The following COL26A1 variants were observed in gnomAD, a reference collection of about 807,000 sequenced individuals.
The protein encoded by COL26A1 is collagen type XXVI alpha 1 chain.
In COL26A1, 41 loss-of-function variants were observed where a neutral mutation model predicts 59.3. That is an observed-to-expected ratio of 0.69 (90% CI 0.54 to 0.90). COL26A1 has a LOEUF of 0.90. Among genes scored for constraint, COL26A1 ranks in the 40% least tolerant of loss-of-function variants. COL26A1 has a pLI of 0.00. For missense variants in COL26A1, 612 were observed against 602.3 expected (o/e 1.02, Z -0.17); for synonymous variants, 266 against 256.0 (o/e 1.04, Z -0.37).
At chr7:101,438,109 C>T (rs1792960810) in intron 2 of COL26A1, among the ~76,000 whole-genome samples, 1 of 151,466 alleles carries the variant, frequency 6.6e-6, no homozygotes, top group African/African-American at 2.4e-5. Context: ...TGCCTGTAAT[C>T]CTAACAGTCT....
At chr7:101,460,974 C>T (rs756511838) in intron 3 of COL26A1, among the ~76,000 whole-genome samples, 1 of 151,838 alleles carries the variant, frequency 6.6e-6, no homozygotes, top group East Asian at 1.9e-4. Context: ...TTTGCACCTG[C>T]GGGATGTTAC....
At chr7:101,447,087 C>G (rs1793215396) in intron 2 of COL26A1, among the ~76,000 whole-genome samples, 1 of 151,970 alleles carries the variant, frequency 6.6e-6, no homozygotes, top group South Asian at 2.1e-4. Flanking sequence ...TGGATGGGAT[C>G]ATAGCACTGC....
intron 1 of COL26A1, among the ~76,000 whole-genome samples, chr7:101,412,239 T>C (rs1336156981): frequency 1.3e-5 from 2 of 152,074 alleles, no homozygotes; most frequent in African/African-American, 2.4e-5. Flanking sequence ...AGTTTCCCAT[T>C]GCCATGACAA....
rs1417830342 is a variant in COL26A1 at position 101,363,136 on chromosome 7, A to T, written c.104A>T (p.His35Leu). The T allele has an allele frequency of 1.3e-6, 2 of 1,494,024 alleles. No homozygotes were observed. Among genetic ancestry groups the T allele is most frequent in the Non-Finnish European group, 1.8e-6 (2 of 1,127,356 alleles). 92.5% of individuals were successfully genotyped at this position (1,494,024 alleles called of 1,614,324 possible). A position where few individuals can be genotyped will look rare whatever the true frequency, so the allele number is the denominator to read the frequency against. Residue 35 changes from histidine to leucine, a missense_variant, in exon 1 of 13, where the codon CAC becomes CTC. By Grantham distance (99) the His-to-Leu change is moderately conservative. Transcript: ENST00000313669. ...TTCTCGGCCGCAGCTCTGCAGCAGC[A>T]CGGCTACCCCGAGCCCGGCGCCGGC... is the stretch of plus-strand genomic sequence containing the variant. ...YPFSAAALQQHGYPEPGAGSP... is the reference protein window; with the variant it reads ...YPFSAAALQQLGYPEPGAGSP...
At chr7:101,448,660 T>G (rs1793258185) in intron 3 of COL26A1, among the ~76,000 whole-genome samples, 1 of 152,060 alleles carries the variant, frequency 6.6e-6, no homozygotes, top group East Asian at 1.9e-4. Context: ...ACCTAGCTAT[T>G]TTTTTGTATG....
intron 3 of COL26A1, among the ~76,000 whole-genome samples, chr7:101,448,740 C>T (rs1428118199): frequency 6.6e-6 from 1 of 152,184 alleles, no homozygotes; most frequent in Non-Finnish European, 1.5e-5. Context: ...GATCCTCCCA[C>T]CTTAGCCTCC....
At chr7:101,454,076 G>GGC (rs1793408455) in intron 3 of COL26A1, among the ~76,000 whole-genome samples, 1 of 151,858 alleles carries the variant, frequency 6.6e-6, no homozygotes, top group Admixed American at 6.6e-5. Context: ...AAAATTGATG[G>GGC]GTAACCCCTA....
rs967384755 is a variant in COL26A1, at chr7:101,505,221, A to T, written c.386-27861A>T. ...CCCGTGTATGTGAGCACTCTCTGTG[A>T]TTGTGCAGAAGTGTGTATGTGTGTT... is the stretch of plus-strand genomic sequence containing the variant. On this transcript the variant is annotated intron_variant, in intron 3 of 12. Coordinates refer to ENST00000313669, the MANE Select transcript of COL26A1 (RefSeq NM_001278563.3). 4.7e-5 allele frequency among the ~76,000 whole-genome samples: 7 copies of T among 150,452 alleles called. No homozygotes were observed. The East Asian group carries it at 1.4e-3, about 30-fold the overall frequency.
intron 3 of COL26A1, among the ~76,000 whole-genome samples, chr7:101,485,512 T>G (rs1329068436): frequency 6.6e-6 from 1 of 152,178 alleles, no homozygotes; most frequent in Non-Finnish European, 1.5e-5. Context: ...AGAAAGGGTG[T>G]GATCCTCATA....
intron 2 of COL26A1, among the ~76,000 whole-genome samples, chr7:101,445,602 G>A (rs957924665): frequency 6.6e-6 from 1 of 151,330 alleles, no homozygotes; most frequent in Non-Finnish European, 1.5e-5. Flanking sequence ...CGTGGTGGCG[G>A]GCGCCTGTAG....
At chr7:101,395,555 A>G (rs578174610) in intron 1 of COL26A1, among the ~76,000 whole-genome samples, 1 of 152,164 alleles carries the variant, frequency 6.6e-6, no homozygotes, top group Non-Finnish European at 1.5e-5. Flanking sequence ...AAAGCTCTTT[A>G]ATCAGCGGGG....
chr7:101,416,072 T>G (rs1470126969), intron 1 of COL26A1, among the ~76,000 whole-genome samples: 1 of 142,610 alleles, frequency 7.0e-6, no homozygotes, highest in African/African-American at 2.5e-5. Context: ...CTATATGGAA[T>G]TTTTTTTTCT....
In COL26A1 at chr7:101,520,245, C is replaced by CTCAGGG. The variant is rs1795111646; in HGVS notation, c.386-12837_386-12836insTCAGGG. 8.5e-5 allele frequency among the ~76,000 whole-genome samples: 13 copies of CTCAGGG among 152,214 alleles called. 1 individual carries two copies. The South Asian group carries it at 2.7e-3, about 32-fold the overall frequency. On this transcript the variant is annotated intron_variant, in intron 3 of 12. Transcript: ENST00000313669. ...GATGGGGTCTGAAGGTCTCAGGGTA[C>CTCAGGG]GCTCTTGAGTCAAGCCCACCCAACA...
chr7:101,423,968 C>G (rs1277792464), intron 2 of COL26A1, among the ~76,000 whole-genome samples: 1 of 151,918 alleles, frequency 6.6e-6, no homozygotes, highest in Admixed American at 6.6e-5. Context: ...ACATAGGAGG[C>G]TGAGGCAGGA....
At chr7:101,393,250 G>C (rs892892704) in intron 1 of COL26A1, among the ~76,000 whole-genome samples, 1 of 152,092 alleles carries the variant, frequency 6.6e-6, no homozygotes, top group Non-Finnish European at 1.5e-5. Context: ...TATGTATATG[G>C]GAGTTTGTTA....
At chr7:101,502,149 C>G (rs1402053422) in intron 3 of COL26A1, among the ~76,000 whole-genome samples, 1 of 152,182 alleles carries the variant, frequency 6.6e-6, no homozygotes, top group Non-Finnish European at 1.5e-5. Context: ...GAAGACCAGC[C>G]TGGCCAACAG....
intron 1 of COL26A1, among the ~76,000 whole-genome samples, chr7:101,418,386 C>T (rs1305460909): frequency 6.6e-6 from 1 of 152,168 alleles, no homozygotes; most frequent in African/African-American, 2.4e-5. Flanking sequence ...GGCCCATCTA[C>T]TTTCTGTCTC....
At chr7:101,489,666 T>TTTCTTTC (rs1794355344) in intron 3 of COL26A1, among the ~76,000 whole-genome samples, 1 of 54,918 alleles carries the variant, frequency 1.8e-5, no homozygotes, top group Non-Finnish European at 3.3e-5. Flanking sequence ...TCTTTCTTCC[T>TTTCTTTC]TCCTTCCTTC....
chr7:101,530,398 G>A (rs764606441), intron 3 of COL26A1, among the ~76,000 whole-genome samples: 6 of 151,400 alleles, frequency 4.0e-5, no homozygotes, highest in East Asian at 2.0e-4. Context: ...GTAAAACCCC[G>A]TCTCTACTAA....
Sources: gnomAD v4.1 joint callset for allele counts (sites outside exome capture counted in the v4.1 genomes callset) on GRCh38, gnomAD v4.1.1 for gene constraint, MANE v1.5 for transcripts, NCBI Gene and HGNC (gene_info 2026-07-23, HGNC 2026-07-21) for gene names.